NEB: variants seen among roughly 807,000 people sequenced by gnomAD.
NEB encodes nebulin, also known as nemaline myopathy type 2.
In NEB, 512 loss-of-function variants were observed where a neutral mutation model predicts 952.2. The ratio of observed to expected loss-of-function variants is 0.54; its 90% CI spans 0.50 to 0.58. The LOEUF (loss-of-function observed/expected upper bound fraction) is 0.58. NEB is among the 20% of genes least tolerant of loss of function. The pLI is 0.00. For synonymous variants in NEB, 2,900 were observed against 3,149.8 expected (o/e 0.92, Z 2.66); for missense variants, 8,428 against 9,231.1 (o/e 0.91, Z 3.56).
rs760212655 is a variant in NEB, at chr2:151,535,786, T to C, written c.21217A>G (p.Lys7073Glu). The C allele has an allele frequency of 3.2e-6, 5 of 1,577,208 alleles. No individual in the cohort carries two copies. Among genetic ancestry groups the C allele is most frequent in the Non-Finnish European group, 3.5e-6 (4 of 1,156,058 alleles). Residue 7073 changes from lysine to glutamate, a missense_variant, in exon 142 of 182, where the codon AAA (lysine) becomes GAA (glutamate). Physicochemically the swap from Lys to Glu is moderately conservative, Grantham distance 56. Coordinates refer to ENST00000397345, the MANE Select transcript of NEB (RefSeq NM_001164508.2). ...GACTTTGTCCTTTCAAATACTTCTTTATACTTATACTAGAAAAAACAGAAC... is the reference window on the plus strand; with the variant it reads ...GACTTTGTCCTTTCAAATACTTCTTCATACTTATACTAGAAAAAACAGAAC... ...NKTLYSKYKY[K>E]EVFERTKSDF... is the part of the protein sequence containing the mutation.
intron 28 of NEB, among the ~76,000 whole-genome samples, chr2:151,684,124 G>T (rs1193967960): frequency 6.6e-6 from 1 of 152,138 alleles, no homozygotes; most frequent in Non-Finnish European, 1.5e-5. Context: ...AAGATGAAAA[G>T]GCTCTGCAGA....
At chr2:151,627,940 A>T in intron 68 of NEB, 106 bp from the exon 69 acceptor site, 1 of 1,384,320 alleles carries the variant, frequency 7.2e-7, no homozygotes, top group South Asian at 1.4e-5. Context: ...TTGCAGAGTA[A>T]TGAAAGAATC....
chr2:151,486,197 A>G lies in NEB; in HGVS notation c.25405-264T>C, dbSNP rs367587065. The G allele has an allele frequency of 2.2e-5, 8 of 371,398 alleles. No homozygotes were observed. The South Asian group carries it at 4.2e-4, about 19-fold the overall frequency. The allele number at this position is 371,398 out of a possible 1,614,324, so 23.0% of individuals were successfully genotyped here. A position where few individuals can be genotyped will look rare whatever the true frequency, so the allele number is the denominator to read the frequency against. Reference sequence around the variant, plus strand: ...CCACCAAAAGAGGCAAAGGATATGAATAGACATTTCTCCAAAAAAGATAGA... The same window carrying G: ...CCACCAAAAGAGGCAAAGGATATGAGTAGACATTTCTCCAAAAAAGATAGA... On this transcript the variant is annotated intron_variant, in intron 181 of 181. Transcript: ENST00000397345.
chr2:151,687,351 C>T (rs561026006), intron 27 of NEB, 68 bp downstream of exon 27: 9 of 1,358,540 alleles, frequency 6.6e-6, no homozygotes, highest in African/African-American at 5.7e-5. Context: ...CTTTTCCACA[C>T]TACTACCCTT....
rs1162289427 is a variant in NEB at position 151,725,449 on chromosome 2, C to T, written c.402+4G>A. The T allele has an allele frequency of 3.1e-6, 5 of 1,610,140 alleles. No individual in the cohort carries two copies. In the African/African-American group the frequency reaches 5.3e-5, roughly 17 times the overall value. On this transcript the variant is annotated splice_donor_region_variant and intron_variant, in intron 6 of 181. Coordinates refer to ENST00000397345, the MANE Select transcript of NEB (RefSeq NM_001164508.2). ...CTCTCCTTTATTTCAGCAATGCAGC[C>T]CACCTCACTGAGTTGATCTTGTACT...
chr2:151,538,091 T>C (rs201964885), intron 139 of NEB, 49 bp downstream of exon 139: 5 of 1,510,312 alleles, frequency 3.3e-6, no homozygotes, highest in Admixed American at 1.7e-5. Context: ...TGTATATGTA[T>C]ATGGTGAGTT....
rs754454398 is a variant in NEB at position 151,640,446 on chromosome 2, A to G, written c.8594T>C (p.Val2865Ala). ...AKKCQTLVSDVDYKNYLHQWT... is the reference protein window; with the variant it reads ...AKKCQTLVSDADYKNYLHQWT... ...CTGGTGCAGGTAGTTCTTGTAGTCCACATCGCTGACTAAGGTCTGGCACTT... is the reference window on the plus strand; with the variant it reads ...CTGGTGCAGGTAGTTCTTGTAGTCCGCATCGCTGACTAAGGTCTGGCACTT... Residue 2865 changes from valine (V) to alanine (A), a missense_variant, in exon 61 of 182, where the codon GTG becomes GCG. Physicochemically the swap from Val to Ala is moderately conservative, Grantham distance 64 (BLOSUM62 0). Coordinates refer to ENST00000397345, the MANE Select transcript of NEB (RefSeq NM_001164508.2). 8 of 1,614,020 alleles carry G rather than the reference A, an allele frequency of 5.0e-6. No homozygotes were observed. The Admixed American group carries it at 1.0e-4, about 20-fold the overall frequency.
intron 62 of NEB, 42 bp from the exon 63 acceptor site, chr2:151,639,426 G>T (rs1217279136): frequency 2.1e-6 from 3 of 1,415,104 alleles, no homozygotes; most frequent in Admixed American, 4.7e-5. Context: ...AAAAAGTTCT[G>T]TGTATAGTTA....
At chr2:151,489,905 TATAATC>T in intron 181 of NEB, 60 bp downstream of exon 181, 1 of 1,270,004 alleles carries the variant, frequency 7.9e-7, no homozygotes, top group East Asian at 2.3e-5. Context: ...ACCTAATACT[TATAATC>T]ATGTTTGCAC....
chr2:151,694,467 C>G (rs369431254), intron 19 of NEB, 31 bp from the exon 20 acceptor site: 8 of 1,613,202 alleles, frequency 5.0e-6, no homozygotes, highest in Non-Finnish European at 5.9e-6. Context: ...CCAGATTCCA[C>G]TCAAGAGGAA....
At chr2:151,717,035 C>T (rs116173761) in intron 10 of NEB, among the ~76,000 whole-genome samples, 75 of 152,284 alleles carry the variant, frequency 4.9e-4, no homozygotes, top group African/African-American at 1.5e-3. Flanking sequence ...CCAAGTGTGA[C>T]GGATAAGATA....
intron 54 of NEB, 88 bp from the exon 55 acceptor site, chr2:151,646,322 G>GTAT: frequency 2.1e-6 from 2 of 943,390 alleles, no homozygotes; most frequent in Non-Finnish European, 3.3e-6. Context: ...GAATTTATCT[G>GTAT]AATTAAACAT....
intron 161 of NEB, among the ~76,000 whole-genome samples, chr2:151,509,490 A>G (rs2072249664): frequency 6.6e-6 from 1 of 152,204 alleles, no homozygotes; most frequent in African/African-American, 2.4e-5. Flanking sequence ...TGCACACAGA[A>G]CTTGGATGTA....
At position 151,665,492 on chromosome 2, in the gene NEB, C is replaced by T. The variant is rs775013800; in HGVS notation, c.5079G>A (p.Trp1693Ter). The change falls in exon 42 of 182, where the codon TGG becomes TGA. Residue 1693 changes from tryptophan to a stop codon, truncating the protein, a stop_gained. Coordinates refer to ENST00000397345, the MANE Select transcript of NEB (RefSeq NM_001164508.2). LOFTEE classifies it high-confidence loss of function. Reference sequence around the variant, plus strand: ...CCACCTCCAGGGACTCTATGGGCACCCAGCCGATCCCTTTCATCCAATTGG... The same window carrying T: ...CCACCTCCAGGGACTCTATGGGCACTCAGCCGATCCCTTTCATCCAATTGG... ...DFTNWMKGIG[W>*]VPIESLEVEK... 1 of 1,611,960 alleles carries T rather than the reference C, an allele frequency of 6.2e-7. No homozygotes were observed. Among genetic ancestry groups the T allele is most frequent in the South Asian group, 1.1e-5 (1 of 90,496 alleles).
intron 29 of NEB, among the ~76,000 whole-genome samples, chr2:151,681,223 C>T (rs1243314947): frequency 6.6e-6 from 1 of 152,206 alleles, no homozygotes; most frequent in African/African-American, 2.4e-5. Context: ...TTCTCTTTTT[C>T]CCTGTTACTC....
chr2:151,620,343 G>GTATATATATA (rs1331796136), intron 72 of NEB, among the ~76,000 whole-genome samples: 28 of 48,888 alleles, frequency 5.7e-4, no homozygotes, highest in African/African-American at 1.4e-3. Flanking sequence ...ATATGTATGT[G>GTATATATATA]TGTGTATATA....
At chr2:151,557,383 C>A (rs796456328) in intron 124 of NEB, among the ~76,000 whole-genome samples, 3 of 152,032 alleles carry the variant, frequency 2.0e-5, no homozygotes, top group Non-Finnish European at 4.4e-5. Flanking sequence ...TTAATAGCCT[C>A]CCAGCCAAAA....
At chr2:151,622,620 CTGAT>C (rs1325643036) in intron 71 of NEB, among the ~76,000 whole-genome samples, 2 of 152,014 alleles carry the variant, frequency 1.3e-5, no homozygotes, top group Non-Finnish European at 2.9e-5. Context: ...AATTGTTGAA[CTGAT>C]TAAGAGAAAA....
chr2:151,642,943 T>C, intron 58 of NEB, 74 bp from the exon 59 acceptor site: 1 of 1,320,082 alleles, frequency 7.6e-7, no homozygotes, highest in Non-Finnish European at 1.0e-6. Flanking sequence ...TGATTTTTAA[T>C]GAGAATCAAG....
Sources: allele counts gnomAD v4.1 joint callset (sites outside exome capture counted in the v4.1 genomes callset), GRCh38; gene constraint gnomAD v4.1.1; transcripts MANE v1.5; gene names NCBI Gene and HGNC (gene_info 2026-07-23, HGNC 2026-07-21).